The following RHD variants were observed in gnomAD, a reference collection of about 807,000 sequenced individuals.
The protein encoded by RHD is Rh blood group D antigen, also known as blood group Rh(D) polypeptide.
In RHD, 16 loss-of-function variants were observed where a neutral mutation model predicts 45.5. The observed-to-expected ratio is 0.35, with a 90% CI of 0.24 to 0.53. The LOEUF is 0.53. Ranked by LOEUF, RHD falls within the 20% of genes least tolerant of loss-of-function variation. The pLI, the probability that RHD is intolerant of heterozygous loss-of-function variation, is 0.92. For missense variants in RHD, 306 were observed against 532.0 expected, an observed-to-expected ratio of 0.58 and a Z score of 4.18; for synonymous variants, 131 against 217.5, an observed-to-expected ratio of 0.60 and a Z score of 3.50.
In RHD at chr1:25,307,697, A is replaced by G. The variant is rs934788430; in HGVS notation, c.1073+968A>G. Reference sequence around the variant, plus strand: ...AAAATGGCTGAAGCAGGTGATGAGGAGCTGATGCGTTTGGACGTGTCTCAG... The same window carrying G: ...AAAATGGCTGAAGCAGGTGATGAGGGGCTGATGCGTTTGGACGTGTCTCAG... On this transcript the variant is annotated intron_variant, in intron 7 of 9. Coordinates refer to ENST00000328664, the MANE Select transcript of RHD (RefSeq NM_016124.6). 1.9e-5 allele frequency: 25 copies of G among 1,307,558 alleles called. 4 individuals are homozygous for G. In the Admixed American group the frequency reaches 5.3e-4, roughly 28 times the overall value. The allele number at this position is 1,307,558 out of a possible 1,614,324, so 81.0% of individuals were successfully genotyped here.
intron 7 of RHD, among the ~76,000 whole-genome samples, chr1:25,310,418 C>G (rs926469505): frequency 2.3e-5 from 3 of 132,524 alleles, no homozygotes; most frequent in African/African-American, 7.7e-5. Flanking sequence ...CAAGAAGGCC[C>G]TCACCAGATG....
In RHD at chr1:25,276,386, A is replaced by T. The variant is rs1158900278; in HGVS notation, c.148+3691A>T. 2.5e-5 allele frequency among the ~76,000 whole-genome samples: 3 copies of T among 121,972 alleles called. 1 individual carries two copies. Among genetic ancestry groups the T allele is most frequent in the Non-Finnish European group, 5.7e-5 (3 of 53,062 alleles). 80.0% of individuals were successfully genotyped at this position (121,972 alleles called of 152,430 possible). On this transcript the variant is annotated intron_variant, in intron 1 of 9. Transcript: ENST00000328664. The stretch of plus-strand genomic sequence containing the variant: ...ATCGTGCTGTTCTCTCTGTTTTCGT[A>T]TATGCTTTAAAAGTTCTGTAATAGT...
In RHD at chr1:25,312,920, T is replaced by TA. The variant is rs58027687; in HGVS notation, c.1074-4045dup. On this transcript the variant is annotated intron_variant, in intron 7 of 9. Coordinates refer to ENST00000328664, the MANE Select transcript of RHD (RefSeq NM_016124.6). ...GGATGATAGAGCAAAATCCCATCTC[T>TA]AAAAAAAAAAAAAAAAAAAAAAAAA... 3.6e-3 allele frequency among the ~76,000 whole-genome samples: 25 copies of TA among 6,856 alleles called. 7 individuals carry two copies. Among genetic ancestry groups the TA allele is most frequent in the South Asian group, 5.4e-3 (1 of 184 alleles). The allele number at this position is 6,856 out of a possible 152,430, so 4.5% of individuals were successfully genotyped here.
In RHD at chr1:25,282,979, A is replaced by G. The variant is rs1641633465; in HGVS notation, c.149-1594A>G. 1.5e-5 allele frequency among the ~76,000 whole-genome samples: 2 copies of G among 132,734 alleles called. 1 individual carries two copies. The highest frequency in any genetic ancestry group is 3.6e-5 in the Non-Finnish European group (2 of 55,930). The allele number at this position is 132,734 out of a possible 152,430, so 87.1% of individuals were successfully genotyped here. On this transcript the variant is annotated intron_variant, in intron 1 of 9. Coordinates refer to ENST00000328664, the MANE Select transcript of RHD (RefSeq NM_016124.6). ...AAAACACCTCCCAAACTTAGAGACAATATTAATGACGGAAAAAAAATTCTT... is the reference window on the plus strand; with the variant it reads ...AAAACACCTCCCAAACTTAGAGACAGTATTAATGACGGAAAAAAAATTCTT...
At position 25,313,873 on chromosome 1, in the gene RHD, T is replaced by G. The variant is rs181062370; in HGVS notation, c.1074-3127T>G. On this transcript the variant is annotated intron_variant, in intron 7 of 9. Coordinates refer to ENST00000328664, the MANE Select transcript of RHD (RefSeq NM_016124.6). ...AGATAAACAACTTTGGCCATTAGTGTGGCCCTGTCATAAATGAATGCCAGA... is the reference window on the plus strand; with the variant it reads ...AGATAAACAACTTTGGCCATTAGTGGGGCCCTGTCATAAATGAATGCCAGA... Among the ~76,000 whole-genome samples, 65 of 133,092 alleles carry G rather than the reference T, an allele frequency of 4.9e-4. 6 individuals are homozygous for G. In the East Asian group the frequency reaches 8.0e-3, roughly 16 times the overall value. The allele number at this position is 133,092 out of a possible 152,430, so 87.3% of individuals were successfully genotyped here.
In RHD at chr1:25,274,608, C is replaced by T. The variant is rs1352052391; in HGVS notation, c.148+1913C>T. ...GGCTCAGTAGGAATTACCTGTGGGA[C>T]AAAGGAGGGTCATCCAAGTGAGGGC... On this transcript the variant is annotated intron_variant, in intron 1 of 9. Transcript: ENST00000328664. Among the ~76,000 whole-genome samples, 2 of 133,324 alleles carry T rather than the reference C, an allele frequency of 1.5e-5. 1 individual carries two copies. Among genetic ancestry groups the T allele is most frequent in the Non-Finnish European group, 3.6e-5 (2 of 56,128 alleles). 87.5% of individuals were successfully genotyped at this position (133,324 alleles called of 152,430 possible).
Position 25,304,418 on chromosome 1 carries a change from G to C in RHD, c.939+959G>C, listed in dbSNP as rs1643632228. ...GTTCAAGACCAGCCTGGCCAACATG[G>C]TGAAACCCATCTCTACTAAAAGTAC... On this transcript the variant is annotated intron_variant, in intron 6 of 9. Transcript: ENST00000328664. 2 of 128,598 alleles carry C rather than the reference G, an allele frequency of 1.6e-5. 1 individual carries two copies. The highest frequency in any genetic ancestry group is 3.6e-5 in the Non-Finnish European group (2 of 54,842). The allele number at this position is 128,598 out of a possible 1,614,324, so 8.0% of individuals were successfully genotyped here. A position where few individuals can be genotyped will look rare whatever the true frequency, so the allele number is the denominator to read the frequency against.
Position 25,298,481 on chromosome 1 carries a change from C to G in RHD, c.487-2465C>G, listed in dbSNP as rs570963851. The stretch of plus-strand genomic sequence containing the variant: ...GCAGGAGGGCCCGGGGGAACCAGAG[C>G]CAGGGACCAGAGTCATTTCAGTGCA... On this transcript the variant is annotated intron_variant, in intron 3 of 9. Transcript: ENST00000328664. Among the ~76,000 whole-genome samples the G allele has an allele frequency of 4.8e-3, 611 of 127,738 alleles. 81 individuals carry two copies. Among genetic ancestry groups the G allele is most frequent in the African/African-American group, 0.014 (547 of 37,970 alleles). 83.8% of individuals were successfully genotyped at this position (127,738 alleles called of 152,430 possible). A position where few individuals can be genotyped will look rare whatever the true frequency, so the allele number is the denominator to read the frequency against.
chr1:25,291,789 G>A (rs1460487153), intron 3 of RHD, among the ~76,000 whole-genome samples: 4 of 132,708 alleles, frequency 3.0e-5, no homozygotes, highest in African/African-American at 1.0e-4. Flanking sequence ...AGGCAGCTGT[G>A]AAGGTAAGGC....
In RHD at chr1:25,285,494, T is replaced by G. The variant is rs1221656505; in HGVS notation, c.335+735T>G. On this transcript the variant is annotated intron_variant, in intron 2 of 9. Coordinates refer to ENST00000328664, the MANE Select transcript of RHD (RefSeq NM_016124.6). ...CCCCCTAATGCTGCTAGACAATAAATAGCCATGCCTTTATTTTCATTAAAT... is the reference window on the plus strand; with the variant it reads ...CCCCCTAATGCTGCTAGACAATAAAGAGCCATGCCTTTATTTTCATTAAAT... Among the ~76,000 whole-genome samples the G allele has an allele frequency of 2.0e-4, 27 of 135,136 alleles. 3 individuals carry two copies. The East Asian group carries it at 3.5e-3, about 17-fold the overall frequency. 88.7% of individuals were successfully genotyped at this position (135,136 alleles called of 152,430 possible). A position where few individuals can be genotyped will look rare whatever the true frequency, so the allele number is the denominator to read the frequency against.
At chr1:25,309,371 T>A (rs1056517894) in intron 7 of RHD, among the ~76,000 whole-genome samples, 1 of 131,394 alleles carries the variant, frequency 7.6e-6, no homozygotes, top group Non-Finnish European at 1.8e-5. Flanking sequence ...TGCACCCTTC[T>A]AGCTCTTGTT....
rs1642241312 is a variant in RHD, at chr1:25,288,578, A to G, written c.336-2063A>G. On this transcript the variant is annotated intron_variant, in intron 2 of 9. Coordinates refer to ENST00000328664, the MANE Select transcript of RHD (RefSeq NM_016124.6). ...TCCTTTATTGTGCTTGACGTATATC[A>G]ACTCACTTTGCCCTTACCGTGGCTC... Among the ~76,000 whole-genome samples, 5 of 126,038 alleles carry G rather than the reference A, an allele frequency of 4.0e-5. 1 individual carries two copies. The highest frequency in any genetic ancestry group is 3.9e-4 in the Admixed American group (5 of 12,808). 82.7% of individuals were successfully genotyped at this position (126,038 alleles called of 152,430 possible). A position where few individuals can be genotyped will look rare whatever the true frequency, so the allele number is the denominator to read the frequency against.
rs1375773725 is a variant in RHD at position 25,329,959 on chromosome 1, C to A, written c.*1035C>A. On this transcript the variant is annotated 3_prime_UTR_variant, in exon 10 of 10. Transcript: ENST00000328664. ...TGTGAGCCACCGTGCCCAGCCTATA[C>A]TTCCCTTTTTGAATACCATTTGGTG... 6 of 132,236 alleles carry A rather than the reference C, an allele frequency of 4.5e-5. 2 individuals are homozygous for A. Among genetic ancestry groups the A allele is most frequent in the Admixed American group, 4.4e-4 (6 of 13,582 alleles). The allele number at this position is 132,236 out of a possible 1,614,324, so 8.2% of individuals were successfully genotyped here.
Position 25,280,839 on chromosome 1 carries a change from C to T in RHD, c.149-3734C>T, listed in dbSNP as rs1231035449. On this transcript the variant is annotated intron_variant, in intron 1 of 9. Coordinates refer to ENST00000328664, the MANE Select transcript of RHD (RefSeq NM_016124.6). ...TTGCCTAGGCTGGTCTTGAACTCCT[C>T]AGCTCAAGCAATCCTCCCTCCTTGG... is the stretch of plus-strand genomic sequence containing the variant. 2.1e-4 allele frequency among the ~76,000 whole-genome samples: 28 copies of T among 131,462 alleles called. 5 individuals are homozygous for T. In the South Asian group the frequency reaches 4.2e-3, roughly 20 times the overall value. The allele number at this position is 131,462 out of a possible 152,430, so 86.2% of individuals were successfully genotyped here. A position where few individuals can be genotyped will look rare whatever the true frequency, so the allele number is the denominator to read the frequency against.
intron 1 of RHD, among the ~76,000 whole-genome samples, chr1:25,276,745 G>A (rs1641032687): frequency 7.7e-6 from 1 of 130,234 alleles, no homozygotes; most frequent in Non-Finnish European, 1.8e-5. Context: ...GGTGAAGCGA[G>A]GCTGTAATAA....
At chr1:25,305,571 G>C (rs552607374) in intron 6 of RHD, among the ~76,000 whole-genome samples, 2 of 119,450 alleles carry the variant, frequency 1.7e-5, no homozygotes, top group East Asian at 4.1e-4. Flanking sequence ...TAATTTTCGT[G>C]TGTGTATGTA....
chr1:25,273,655 A>G (rs1640693253), intron 1 of RHD, among the ~76,000 whole-genome samples: 1 of 114,016 alleles, frequency 8.8e-6, no homozygotes, highest in Non-Finnish European at 2.1e-5. Flanking sequence ...GACTGTGATG[A>G]GACAACTGTA....
intron 9 of RHD, among the ~76,000 whole-genome samples, chr1:25,324,500 T>C (rs1024155945): frequency 6.6e-6 from 1 of 152,044 alleles, no homozygotes; most frequent in Non-Finnish European, 1.5e-5. Flanking sequence ...ACTGGTAACA[T>C]AAGAGTAGTA....
intron 2 of RHD, among the ~76,000 whole-genome samples, chr1:25,286,587 C>G (rs1210007055): frequency 1.5e-5 from 2 of 133,704 alleles, no homozygotes; most frequent in African/African-American, 5.2e-5. Context: ...GAGATCGAGA[C>G]CATCCTGGCT....
Sources: allele counts gnomAD v4.1 joint callset (sites outside exome capture counted in the v4.1 genomes callset), GRCh38; gene constraint gnomAD v4.1.1; transcripts MANE v1.5; gene names NCBI Gene and HGNC (gene_info 2026-07-23, HGNC 2026-07-21).